LRRC4C: variants seen among roughly 807,000 people sequenced by gnomAD.
LRRC4C encodes leucine rich repeat containing 4C.
In LRRC4C, 5 loss-of-function variants were observed where a neutral mutation model predicts 33.6. The ratio of observed to expected loss-of-function variants is 0.15; its 90% CI spans 0.08 to 0.31. The LOEUF (loss-of-function observed/expected upper bound fraction) is 0.31. LRRC4C is among the 10% of genes least tolerant of loss of function. The pLI, the probability that LRRC4C is intolerant of heterozygous loss-of-function variation, is 1.00. For synonymous variants in LRRC4C, 329 were observed against 302.0 expected, an observed-to-expected ratio of 1.09 and a Z score of -0.93; for missense variants, 560 against 796.7, an observed-to-expected ratio of 0.70 and a Z score of 3.58.
chr11:40,340,883 C>T (rs1250742437), intron 3 of LRRC4C, among the ~76,000 whole-genome samples: 2 of 152,116 alleles, frequency 1.3e-5, no homozygotes, highest in Non-Finnish European at 2.9e-5. Flanking sequence ...AAATTAAGCT[C>T]ATGTAGTCAC....
rs559929509 is a variant in LRRC4C, at chr11:40,792,973, A to T, written c.-407+140662T>A. 6.7e-4 allele frequency among the ~76,000 whole-genome samples: 101 copies of T among 151,782 alleles called. 1 individual carries two copies. The highest frequency in any genetic ancestry group is 2.4e-3 in the African/African-American group (101 of 41,398). On this transcript the variant is annotated intron_variant, in intron 2 of 6. Transcript: ENST00000528697. ...GAACACAGGGCAGGGAACATCACAC[A>T]CTGGGGCCTGTTGTGGGGTCGGGGG...
At chr11:40,519,657 G>A (rs11035887) in intron 3 of LRRC4C, among the ~76,000 whole-genome samples, 51,255 of 151,766 alleles carry the variant, frequency 0.34, 10,394 homozygotes, top group East Asian at 0.65. Flanking sequence ...TTTGCTTTTG[G>A]TGGATATGTG....
intron 5 of LRRC4C, among the ~76,000 whole-genome samples, chr11:40,196,595 T>C (rs931090964): frequency 5.9e-5 from 9 of 152,202 alleles, no homozygotes; most frequent in African/African-American, 2.2e-4. Context: ...TGCACAAGTA[T>C]GCAAATGGCA....
At chr11:41,392,116 T>C (rs1335159261) in intron 1 of LRRC4C, among the ~76,000 whole-genome samples, 1 of 151,844 alleles carries the variant, frequency 6.6e-6, no homozygotes, top group African/African-American at 2.4e-5. Flanking sequence ...TACAAAGGCA[T>C]ATGTAGGCAC....
At chr11:40,835,023 T>G (rs1297835987) in intron 2 of LRRC4C, among the ~76,000 whole-genome samples, 2 of 151,678 alleles carry the variant, frequency 1.3e-5, no homozygotes, top group African/African-American at 2.4e-5. Context: ...CTCAATACAT[T>G]GATTATTTGA....
At chr11:40,979,308 T>C (rs1177448593) in intron 1 of LRRC4C, among the ~76,000 whole-genome samples, 1 of 152,216 alleles carries the variant, frequency 6.6e-6, no homozygotes. Context: ...GCCTAATATA[T>C]TACAGTACCC....
intron 2 of LRRC4C, among the ~76,000 whole-genome samples, chr11:40,670,573 A>G (rs1043587409): frequency 2.0e-5 from 3 of 152,094 alleles, no homozygotes; most frequent in African/African-American, 7.2e-5. Context: ...CACCTTTTTG[A>G]AAACAAAACA....
intron 2 of LRRC4C, among the ~76,000 whole-genome samples, chr11:40,896,982 T>C (rs1204725455): frequency 6.6e-6 from 1 of 152,162 alleles, no homozygotes; most frequent in Non-Finnish European, 1.5e-5. Context: ...TTGAGAAAGA[T>C]AAACCTTAAT....
rs904030429 is a variant in LRRC4C, at chr11:41,211,424, C to T, written c.-496+248007G>A. On this transcript the variant is annotated intron_variant, in intron 1 of 6. Coordinates refer to ENST00000528697, the MANE Select transcript of LRRC4C (RefSeq NM_001258419.2). ...ATACACGTGCCATGTTGGTGTGCTT[C>T]ACCCATTAACTCATCGTTTACATTA... Among the ~76,000 whole-genome samples the T allele has an allele frequency of 1.1e-4, 17 of 152,236 alleles. No homozygotes were observed. In the East Asian group the frequency reaches 3.3e-3, roughly 29 times the overall value.
chr11:41,089,563 G>A (rs574973609), intron 1 of LRRC4C, among the ~76,000 whole-genome samples: 1 of 152,042 alleles, frequency 6.6e-6, no homozygotes, highest in East Asian at 1.9e-4. Flanking sequence ...CAACGTAAGT[G>A]CAGGTCAGAT....
intron 2 of LRRC4C, among the ~76,000 whole-genome samples, chr11:40,900,259 C>CA (rs1281992885): frequency 3.9e-5 from 6 of 152,046 alleles, no homozygotes; most frequent in Admixed American, 1.3e-4. Context: ...GGAGCACCTT[C>CA]AGGTGGGTTT....
At chr11:40,211,071 C>T (rs905012068) in intron 5 of LRRC4C, among the ~76,000 whole-genome samples, 1 of 152,192 alleles carries the variant, frequency 6.6e-6, no homozygotes, top group Admixed American at 6.5e-5. Context: ...GCAACTGCTC[C>T]CAGCCAAAAA....
intron 3 of LRRC4C, among the ~76,000 whole-genome samples, chr11:40,368,127 T>C (rs552881784): frequency 1.1e-4 from 17 of 152,286 alleles, no homozygotes; most frequent in African/African-American, 4.1e-4. Context: ...TAAAGTGGGA[T>C]AAATATATAT....
rs534164708 is a variant in LRRC4C, at chr11:41,333,778, C to T, written c.-496+125653G>A. On this transcript the variant is annotated intron_variant, in intron 1 of 6. Coordinates refer to ENST00000528697, the MANE Select transcript of LRRC4C (RefSeq NM_001258419.2). The stretch of plus-strand genomic sequence containing the variant: ...TGCAGCCTGAAAATTTATTTTTACA[C>T]ATCATCATTAATCTGCTTTTCTTTG... 1.4e-4 allele frequency among the ~76,000 whole-genome samples: 22 copies of T among 152,294 alleles called. No homozygotes were observed. In the South Asian group the frequency reaches 4.1e-3, roughly 29 times the overall value.
intron 2 of LRRC4C, among the ~76,000 whole-genome samples, chr11:40,710,849 C>T (rs1248468136): frequency 6.6e-6 from 1 of 152,208 alleles, no homozygotes; most frequent in Non-Finnish European, 1.5e-5. Flanking sequence ...CTGAGGTGGG[C>T]TCCACCCAGT....
At chr11:41,392,573 A>C (rs1034659169) in intron 1 of LRRC4C, among the ~76,000 whole-genome samples, 1 of 151,420 alleles carries the variant, frequency 6.6e-6, no homozygotes, top group African/African-American at 2.4e-5. Flanking sequence ...AAAAAAAAAA[A>C]CATCGTTACC....
intron 1 of LRRC4C, among the ~76,000 whole-genome samples, chr11:41,066,200 A>G (rs1489235953): frequency 6.6e-6 from 1 of 152,208 alleles, no homozygotes; most frequent in Non-Finnish European, 1.5e-5. Context: ...TAACTACAAT[A>G]AGCAGTTTAG....
intron 1 of LRRC4C, among the ~76,000 whole-genome samples, chr11:41,314,752 C>T (rs974025193): frequency 6.6e-6 from 1 of 151,646 alleles, no homozygotes; most frequent in African/African-American, 2.4e-5. Context: ...ACCTATGTAT[C>T]AAAGCTACAT....
chr11:40,835,271 A>G (rs576001092), intron 2 of LRRC4C, among the ~76,000 whole-genome samples: 1 of 152,340 alleles, frequency 6.6e-6, no homozygotes, highest in East Asian at 1.9e-4. Flanking sequence ...AATAACTCAA[A>G]AAAACAAAGC....
Sources: gnomAD v4.1 joint callset for allele counts (sites outside exome capture counted in the v4.1 genomes callset) on GRCh38, gnomAD v4.1.1 for gene constraint, MANE v1.5 for transcripts, NCBI Gene and HGNC (gene_info 2026-07-23, HGNC 2026-07-21) for gene names.